Variants in SELENOF observed in about 807,000 individuals in gnomAD.
The protein encoded by SELENOF is 15 kDa selenoprotein.
In SELENOF, 16 loss-of-function variants were observed where a neutral mutation model predicts 20.5. The observed-to-expected ratio is 0.78, with a 90% CI of 0.53 to 1.19. The LOEUF is 1.19. Among genes scored for constraint, SELENOF ranks in the 50% most tolerant of loss-of-function variants. The pLI is 0.00. For synonymous variants in SELENOF, 78 were observed against 74.5 expected (o/e 1.05, Z -0.24); for missense variants, 215 against 194.2 (o/e 1.11, Z -0.64).
intron 4 of SELENOF, among the ~76,000 whole-genome samples, chr1:86,866,230 C>CTGTGTGTGTGTGTGTGTGTGTG (rs60714256): frequency 8.8e-6 from 1 of 113,678 alleles, no homozygotes; most frequent in Admixed American, 1.1e-4. Flanking sequence ...GTGTGTGTCT[C>CTGTGTGTGTGTGTGTGTGTGTG]TGTGTGTGTG....
intron 2 of SELENOF, among the ~76,000 whole-genome samples, chr1:86,889,360 C>T (rs1006238447): frequency 2.6e-5 from 4 of 151,992 alleles, no homozygotes; most frequent in East Asian, 1.9e-4. Flanking sequence ...TTTTGGGAGG[C>T]GGAGCTGGGT....
chr1:86,896,014 G>A (rs745982340), intron 2 of SELENOF, among the ~76,000 whole-genome samples: 31 of 152,128 alleles, frequency 2.0e-4, no homozygotes, highest in Non-Finnish European at 4.4e-4. Flanking sequence ...GAACACCTGA[G>A]GTCAGTAGTT....
chr1:86,893,243 G>A (rs1476509908), intron 2 of SELENOF, among the ~76,000 whole-genome samples: 1 of 152,112 alleles, frequency 6.6e-6, no homozygotes, highest in Non-Finnish European at 1.5e-5. Context: ...ATGTAATTAT[G>A]ACAAAATTGA....
intron 2 of SELENOF, among the ~76,000 whole-genome samples, chr1:86,894,217 C>T (rs552084797): frequency 1.5e-4 from 22 of 150,294 alleles, no homozygotes; most frequent in African/African-American, 4.1e-4. Context: ...TTTCTCTTCC[C>T]AATTTTTCTT....
intron 2 of SELENOF, among the ~76,000 whole-genome samples, chr1:86,884,841 T>C (rs1372969985): frequency 6.6e-6 from 1 of 152,202 alleles, no homozygotes; most frequent in Admixed American, 6.5e-5. Context: ...ATTATTGTAT[T>C]AGGACTAGGG....
chr1:86,906,299 G>A (rs1659825293), intron 1 of SELENOF, among the ~76,000 whole-genome samples: 1 of 152,134 alleles, frequency 6.6e-6, no homozygotes, highest in Non-Finnish European at 1.5e-5. Flanking sequence ...TTATTTCACA[G>A]GATAATTTGA....
At chr1:86,876,005 A>G (rs988371505) in intron 3 of SELENOF, among the ~76,000 whole-genome samples, 12 of 151,908 alleles carry the variant, frequency 7.9e-5, no homozygotes, top group Admixed American at 5.3e-4. Flanking sequence ...ACAGAGAACT[A>G]TAAAGGATTT....
intron 2 of SELENOF, among the ~76,000 whole-genome samples, chr1:86,892,899 C>A (rs1179519961): frequency 1.3e-5 from 2 of 152,090 alleles, no homozygotes; most frequent in East Asian, 3.8e-4. Context: ...GCAAAAGGGG[C>A]CTTCAGAAAG....
intron 3 of SELENOF, among the ~76,000 whole-genome samples, chr1:86,869,604 T>C (rs1302212405): frequency 6.6e-6 from 1 of 152,166 alleles, no homozygotes; most frequent in Non-Finnish European, 1.5e-5. Flanking sequence ...TAAATGAATA[T>C]TTTCCCGTTT....
chr1:86,902,485 A>G (rs917502062), intron 2 of SELENOF, among the ~76,000 whole-genome samples: 1 of 152,330 alleles, frequency 6.6e-6, no homozygotes. Context: ...TTTACAAACC[A>G]TAATACTTCA....
At chr1:86,892,034 G>A (rs1247480215) in intron 2 of SELENOF, among the ~76,000 whole-genome samples, 1 of 151,606 alleles carries the variant, frequency 6.6e-6, no homozygotes, top group East Asian at 1.9e-4. Context: ...AGGTTCAAGC[G>A]ATTCTCCTGC....
intron 2 of SELENOF, among the ~76,000 whole-genome samples, chr1:86,881,846 T>G (rs1437213908): frequency 2.0e-5 from 3 of 152,184 alleles, no homozygotes; most frequent in Non-Finnish European, 4.4e-5. Context: ...TTCGCTTTAA[T>G]GCAGGCTGTT....
intron 1 of SELENOF, 63 bp from the exon 2 acceptor site, chr1:86,903,511 A>C: frequency 7.6e-7 from 1 of 1,307,864 alleles, no homozygotes; most frequent in South Asian, 1.7e-5. Context: ...CTTTCCAAAA[A>C]GAGAACACGG....
At chr1:86,892,667 A>G (rs1443800921) in intron 2 of SELENOF, among the ~76,000 whole-genome samples, 1 of 152,180 alleles carries the variant, frequency 6.6e-6, no homozygotes, top group East Asian at 1.9e-4. Context: ...AAAACAACTA[A>G]ATGTTTTGAT....
intron 2 of SELENOF, among the ~76,000 whole-genome samples, chr1:86,884,204 T>G (rs1659151686): frequency 6.6e-6 from 1 of 152,136 alleles, no homozygotes; most frequent in South Asian, 2.1e-4. Context: ...TCAAAAATAT[T>G]TCAAGTTCCT....
chr1:86,867,478 C>G (rs2102069134), intron 4 of SELENOF, among the ~76,000 whole-genome samples: 1 of 148,186 alleles, frequency 6.7e-6, no homozygotes, highest in African/African-American at 2.5e-5. Context: ...GGCAACAGAG[C>G]AAGACTCCGT....
chr1:86,903,654 G>A (rs113990649), intron 1 of SELENOF, among the ~76,000 whole-genome samples: 3,586 of 152,238 alleles, frequency 0.024, 74 homozygotes, highest in African/African-American at 0.049. Flanking sequence ...GAGGGCAGTG[G>A]TGCAACCTCG....
chr1:86,874,130 ATT>A (rs1268318403), intron 3 of SELENOF, among the ~76,000 whole-genome samples: 1 of 146,810 alleles, frequency 6.8e-6, no homozygotes, highest in African/African-American at 2.5e-5. Flanking sequence ...TTCCCTGCTA[ATT>A]TTTTTTTTTT....
intron 2 of SELENOF, among the ~76,000 whole-genome samples, chr1:86,898,645 G>A (rs1182971572): frequency 6.8e-6 from 1 of 147,228 alleles, no homozygotes; most frequent in Admixed American, 6.8e-5. Context: ...GCAGTGGTGC[G>A]ATCTCGGCTC....
Sources: gnomAD v4.1 joint callset for allele counts (sites outside exome capture counted in the v4.1 genomes callset) on GRCh38, gnomAD v4.1.1 for gene constraint, MANE v1.5 for transcripts, NCBI Gene and HGNC (gene_info 2026-07-23, HGNC 2026-07-21) for gene names.